SSH2: variants seen among roughly 807,000 people sequenced by gnomAD.
SSH2 encodes protein phosphatase Slingshot homolog 2.
Under a neutral mutation model 135.2 loss-of-function variants are expected in SSH2, and 37 were observed. That is an observed-to-expected ratio of 0.27 (90% CI 0.21 to 0.36). The LOEUF is 0.36. SSH2 is among the 10% of genes least tolerant of loss of function. SSH2 has a pLI of 1.00. For synonymous variants in SSH2, 628 were observed against 646.2 expected, an observed-to-expected ratio of 0.97 and a Z score of 0.43; for missense variants, 1,408 against 1,765.3, an observed-to-expected ratio of 0.80 and a Z score of 3.63.
chr17:29,738,710 T>C (rs1216393066), intron 3 of SSH2, among the ~76,000 whole-genome samples: 2 of 151,912 alleles, frequency 1.3e-5, no homozygotes, highest in African/African-American at 2.4e-5. Flanking sequence ...CCCGCCACCA[T>C]GCCCGGCTAA....
chr17:29,917,209 A>G (rs2066898172), intron 1 of SSH2, among the ~76,000 whole-genome samples: 1 of 152,184 alleles, frequency 6.6e-6, no homozygotes, highest in South Asian at 2.1e-4. Flanking sequence ...CAGTAGAAAA[A>G]AAAACTGGCT....
intron 1 of SSH2, among the ~76,000 whole-genome samples, chr17:29,926,179 C>T (rs548844933): frequency 3.1e-4 from 47 of 152,216 alleles, no homozygotes; most frequent in African/African-American, 1.1e-3. Flanking sequence ...AACAGCCTCT[C>T]ACTGGCTCCA....
intron 12 of SSH2, among the ~76,000 whole-genome samples, chr17:29,652,692 C>G (rs1274606739): frequency 1.3e-5 from 2 of 152,044 alleles, no homozygotes; most frequent in African/African-American, 4.8e-5. Context: ...GAGGCTTGCT[C>G]TGTCGCCCAG....
At chr17:29,862,937 G>A (rs2065789508) in intron 1 of SSH2, among the ~76,000 whole-genome samples, 1 of 152,190 alleles carries the variant, frequency 6.6e-6, no homozygotes, top group African/African-American at 2.4e-5. Flanking sequence ...ACTGAAGTAG[G>A]AGATCCCTTC....
intron 11 of SSH2, among the ~76,000 whole-genome samples, chr17:29,659,948 A>G (rs977540610): frequency 3.3e-5 from 5 of 152,142 alleles, no homozygotes; most frequent in African/African-American, 4.8e-5. Flanking sequence ...CTTCTGCCTC[A>G]GCCTCCCGAG....
chr17:29,726,474 A>G (rs2040006287), intron 3 of SSH2, among the ~76,000 whole-genome samples: 1 of 152,168 alleles, frequency 6.6e-6, no homozygotes, highest in African/African-American at 2.4e-5. Flanking sequence ...TACAATATGG[A>G]GAATGGATTG....
At chr17:29,652,701 A>C (rs964604670) in intron 12 of SSH2, among the ~76,000 whole-genome samples, 1 of 152,168 alleles carries the variant, frequency 6.6e-6, no homozygotes, top group African/African-American at 2.4e-5. Flanking sequence ...TCTGTCGCCC[A>C]GATCTGGAGT....
chr17:29,643,739 C>T lies in SSH2; in HGVS notation c.1427+4405G>A, dbSNP rs1171408822. Among the ~76,000 whole-genome samples the T allele has an allele frequency of 2.0e-5, 3 of 152,176 alleles. 1 individual carries two copies. Among genetic ancestry groups the T allele is most frequent in the Non-Finnish European group, 2.9e-5 (2 of 68,032 alleles). On this transcript the variant is annotated intron_variant, in intron 14 of 15. Transcript: ENST00000540801. ...GAACTCCTGACCTCAAGTGATCCAC[C>T]CGCCTCGGCCTCCCAAAATGCTAGG...
intron 1 of SSH2, among the ~76,000 whole-genome samples, chr17:29,873,232 AC>A (rs553040837): frequency 1.5e-3 from 230 of 152,220 alleles, no homozygotes; most frequent in Non-Finnish European, 2.5e-3. Flanking sequence ...GACTTTTAAA[AC>A]AAAAAATCTT....
chr17:29,706,021 T>C (rs1364792667), intron 3 of SSH2, among the ~76,000 whole-genome samples: 1 of 152,186 alleles, frequency 6.6e-6, no homozygotes, highest in Non-Finnish European at 1.5e-5. Context: ...GCACTGGAAA[T>C]AGTCTAAGGC....
At chr17:29,905,366 C>T (rs886390007) in intron 1 of SSH2, among the ~76,000 whole-genome samples, 5 of 152,186 alleles carry the variant, frequency 3.3e-5, no homozygotes, top group African/African-American at 1.2e-4. Flanking sequence ...GTGGCAACTG[C>T]TCCAGTCAGC....
intron 6 of SSH2, among the ~76,000 whole-genome samples, chr17:29,679,800 T>C (rs540624196): frequency 1.3e-5 from 2 of 152,326 alleles, no homozygotes; most frequent in African/African-American, 2.4e-5. Flanking sequence ...TTGTACTGTT[T>C]TGAAGATTAA....
intron 2 of SSH2, among the ~76,000 whole-genome samples, chr17:29,794,932 G>GGAAAGATA (rs2042132047): frequency 6.6e-6 from 1 of 152,216 alleles, no homozygotes; most frequent in African/African-American, 2.4e-5. Context: ...GAAAGATGAA[G>GGAAAGATA]AGGCTTTTTC....
At chr17:29,721,506 A>C (rs1040076467) in intron 3 of SSH2, among the ~76,000 whole-genome samples, 2 of 152,196 alleles carry the variant, frequency 1.3e-5, no homozygotes, top group African/African-American at 4.8e-5. Context: ...GAAAGCTAGA[A>C]TTCTGAGGGT....
intron 3 of SSH2, among the ~76,000 whole-genome samples, chr17:29,789,266 C>T (rs1207542932): frequency 6.6e-6 from 1 of 152,170 alleles, no homozygotes. Context: ...ACATTCTCTG[C>T]CTGTGCATAT....
intron 1 of SSH2, among the ~76,000 whole-genome samples, chr17:29,902,833 G>A (rs1348083541): frequency 6.6e-6 from 1 of 151,944 alleles, no homozygotes; most frequent in African/African-American, 2.4e-5. Context: ...AATTTTCCAT[G>A]GTGAATACTT....
intron 14 of SSH2, among the ~76,000 whole-genome samples, chr17:29,646,877 G>A (rs2036391098): frequency 6.6e-6 from 1 of 152,052 alleles, no homozygotes; most frequent in Non-Finnish European, 1.5e-5. Flanking sequence ...TCCGTATTCT[G>A]CTGATTTGTC....
intron 11 of SSH2, among the ~76,000 whole-genome samples, chr17:29,656,243 C>T (rs1224911768): frequency 6.6e-6 from 1 of 152,170 alleles, no homozygotes; most frequent in Non-Finnish European, 1.5e-5. Flanking sequence ...ATGGCGTGAT[C>T]TCGGTTCACT....
intron 3 of SSH2, among the ~76,000 whole-genome samples, chr17:29,723,662 A>G (rs554230671): frequency 6.6e-6 from 1 of 151,866 alleles, no homozygotes; most frequent in East Asian, 1.9e-4. Flanking sequence ...AATTTTCTTT[A>G]ATGATATTAT....
Sources: gnomAD v4.1 joint callset for allele counts (sites outside exome capture counted in the v4.1 genomes callset) on GRCh38, gnomAD v4.1.1 for gene constraint, MANE v1.5 for transcripts, NCBI Gene and HGNC (gene_info 2026-07-23, HGNC 2026-07-21) for gene names.